Variants in DNAH14 observed in about 807,000 individuals in gnomAD.
DNAH14 encodes dynein axonemal heavy chain 14, also known as axonemal beta dynein heavy chain 14.
A neutral mutation model predicts 520.9 loss-of-function variants in DNAH14; 478 were observed. The ratio of observed to expected loss-of-function variants is 0.92; its 90% CI spans 0.85 to 0.99. The LOEUF (loss-of-function observed/expected upper bound fraction) is 0.99. Ranked by LOEUF, DNAH14 falls within the 50% of genes least tolerant of loss-of-function variation. The probability of loss-of-function intolerance (pLI) is 0.00; values close to 1 mark genes in which losing one functional copy is unlikely to be tolerated. For missense variants in DNAH14, 4,831 were observed against 5,234.5 expected (o/e 0.92, Z 2.38); for synonymous variants, 1,581 against 1,757.2 (o/e 0.90, Z 2.51).
Position 225,040,863 on chromosome 1 carries a change from G to A in DNAH14, c.1489-1972G>A, listed in dbSNP as rs1157365439. 3.3e-5 allele frequency among the ~76,000 whole-genome samples: 5 copies of A among 152,258 alleles called. No individual in the cohort carries two copies. The East Asian group carries it at 5.8e-4, about 18-fold the overall frequency. On this transcript the variant is annotated intron_variant, in intron 12 of 85. Coordinates refer to ENST00000682510, the MANE Select transcript of DNAH14 (RefSeq NM_001367479.1). ...TTCATAAATTTTTATTGCTCCATAAGCTTACTAATCCTCATCAATATTTAA... is the reference window on the plus strand; with the variant it reads ...TTCATAAATTTTTATTGCTCCATAAACTTACTAATCCTCATCAATATTTAA...
intron 8 of DNAH14, 124 bp from the exon 9 acceptor site, chr1:225,002,658 TA>T: frequency 1.1e-6 from 1 of 928,200 alleles, no homozygotes; most frequent in Non-Finnish European, 1.6e-6. Context: ...CATTATCGTT[TA>T]AAATGGGGTA....
At position 225,358,672 on chromosome 1, in the gene DNAH14, T is replaced by C; in HGVS notation, c.11776+20T>C. On this transcript the variant is annotated intron_variant, in intron 74 of 85. Transcript: ENST00000682510. ...CTCATGGTAAGCTATTTGTGAATAG[T>C]TAAGATGATCGATATGGTTTGGCTC... 1 of 1,542,678 alleles carries C rather than the reference T, an allele frequency of 6.5e-7. No homozygotes were observed. Among genetic ancestry groups the C allele is most frequent in the Non-Finnish European group, 8.7e-7 (1 of 1,144,468 alleles).
At chr1:224,957,188 G>A (rs2060571179) in intron 3 of DNAH14, among the ~76,000 whole-genome samples, 1 of 152,198 alleles carries the variant, frequency 6.6e-6, no homozygotes, top group Non-Finnish European at 1.5e-5. Flanking sequence ...ATGGGTTGGT[G>A]AGAGAGAAGG....
chr1:225,251,712 C>T (rs147730786), intron 43 of DNAH14, among the ~76,000 whole-genome samples: 173 of 152,054 alleles, frequency 1.1e-3, no homozygotes, highest in African/African-American at 4.0e-3. Flanking sequence ...AGATAAAGAA[C>T]TCTTAAAACA....
intron 79 of DNAH14, among the ~76,000 whole-genome samples, chr1:225,379,757 T>C (rs1267567291): frequency 6.6e-6 from 1 of 152,160 alleles, no homozygotes; most frequent in Non-Finnish European, 1.5e-5. Context: ...ACTCCTGACC[T>C]CAAGTGATCT....
At chr1:225,334,430 A>T (rs2094868963) in intron 66 of DNAH14, among the ~76,000 whole-genome samples, 1 of 152,142 alleles carries the variant, frequency 6.6e-6, no homozygotes, top group South Asian at 2.1e-4. Context: ...CAAGAGATCA[A>T]GGCTGCAGTG....
chr1:225,297,530 T>G lies in DNAH14; in HGVS notation c.8470-3339T>G, dbSNP rs898277318. On this transcript the variant is annotated intron_variant, in intron 55 of 85. Transcript: ENST00000682510. The stretch of plus-strand genomic sequence containing the variant: ...AGTAGCTTTCATAAGGAGAGACTTA[T>G]TCATAGGTATGGGTTTTACAGTGTC... Among the ~76,000 whole-genome samples, 7 of 152,316 alleles carry G rather than the reference T, an allele frequency of 4.6e-5. No individual in the cohort carries two copies. The East Asian group carries it at 1.4e-3, about 29-fold the overall frequency.
chr1:225,357,644 A>G (rs2095445011), intron 73 of DNAH14: 2 of 514,368 alleles, frequency 3.9e-6, no homozygotes, highest in Non-Finnish European at 6.8e-6. Flanking sequence ...CCAAAACATA[A>G]CAGAAAAGAG....
intron 37 of DNAH14, among the ~76,000 whole-genome samples, chr1:225,189,207 AG>A (rs2085105428): frequency 6.6e-6 from 1 of 151,694 alleles, no homozygotes; most frequent in African/African-American, 2.4e-5. Flanking sequence ...GTGCATGACC[AG>A]GAATTGTGCT....
intron 43 of DNAH14, among the ~76,000 whole-genome samples, chr1:225,248,795 A>G (rs1196612010): frequency 6.6e-6 from 1 of 152,180 alleles, no homozygotes; most frequent in Non-Finnish European, 1.5e-5. Context: ...ATAACTAGGG[A>G]AAAGGGGAAC....
Position 225,080,454 on chromosome 1 carries a change from G to A in DNAH14, c.2842G>A (p.Glu948Lys). ...AMEMIQTLSG[E>K]AASLTNKAKA... is the part of the protein sequence containing the mutation. ...GGAAATGATCCAGACTCTCTCAGGG[G>A]AAGCTGCAAGTTTAACTAACAAAGC... Residue 948 changes from glutamate to lysine, a missense_variant, in exon 19 of 86, where the codon GAA becomes AAA. Physicochemically the swap from Glu to Lys is moderately conservative, Grantham distance 56. Coordinates refer to ENST00000682510, the MANE Select transcript of DNAH14 (RefSeq NM_001367479.1). The A allele has an allele frequency of 6.4e-7, 1 of 1,551,716 alleles. No individual in the cohort carries two copies. The highest frequency in any genetic ancestry group is 8.7e-7 in the Non-Finnish European group (1 of 1,146,976).
In DNAH14 at chr1:225,271,820, C is replaced by G; in HGVS notation, c.7672-86C>G. The G allele has an allele frequency of 2.9e-6, 3 of 1,025,312 alleles. No individual in the cohort carries two copies. The South Asian group carries it at 5.1e-5, about 17-fold the overall frequency. The allele number at this position is 1,025,312 out of a possible 1,614,324, so 63.5% of individuals were successfully genotyped here. A position where few individuals can be genotyped will look rare whatever the true frequency, so the allele number is the denominator to read the frequency against. Reference sequence around the variant, plus strand: ...GAAATTAATCCTCCATTATAGTACACAAGTCCGCTTTTTAGTGGAAGGTAG... The same window carrying G: ...GAAATTAATCCTCCATTATAGTACAGAAGTCCGCTTTTTAGTGGAAGGTAG... On this transcript the variant is annotated intron_variant, in intron 50 of 85. Coordinates refer to ENST00000682510, the MANE Select transcript of DNAH14 (RefSeq NM_001367479.1).
intron 84 of DNAH14, among the ~76,000 whole-genome samples, chr1:225,394,841 CT>C (rs2095983365): frequency 8.2e-6 from 1 of 122,528 alleles, no homozygotes; most frequent in African/African-American, 3.1e-5. Context: ...GAGACTCTGT[CT>C]AAAAAAAAAA....
At chr1:225,019,205 A>G (rs1432648585) in intron 10 of DNAH14, among the ~76,000 whole-genome samples, 3 of 151,118 alleles carry the variant, frequency 2.0e-5, no homozygotes, top group Admixed American at 6.6e-5. Flanking sequence ...CCATAGACTC[A>G]AAGTAAAGGG....
chr1:225,303,203 A>G lies in DNAH14; in HGVS notation c.8679A>G (p.Gly2893=). Residue 2893 remains glycine (G), a synonymous_variant, in exon 57 of 86, where the codon GGA becomes GGG. Transcript: ENST00000682510. ...TTTTTGTGATCATGAGTCCTGAAGG[A>G]CCTAGCTTCCGCCAAAATTGTAGAG... is the stretch of plus-strand genomic sequence containing the variant. ...LHIFVIMSPE[G]PSFRQNCRVY... The G allele has an allele frequency of 6.5e-7, 1 of 1,539,556 alleles. No homozygotes were observed. Among genetic ancestry groups the G allele is most frequent in the Admixed American group, 2.1e-5 (1 of 48,572 alleles).
chr1:225,082,513 C>A (rs2073261194), intron 19 of DNAH14, 36 bp from the exon 20 acceptor site: 1 of 1,362,888 alleles, frequency 7.3e-7, no homozygotes, highest in Non-Finnish European at 9.6e-7. Context: ...ATATAATGAA[C>A]ATATTATAAG....
intron 41 of DNAH14, among the ~76,000 whole-genome samples, chr1:225,207,639 T>G (rs978537520): frequency 2.6e-5 from 4 of 152,154 alleles, no homozygotes; most frequent in Admixed American, 2.0e-4. Context: ...TCATGTAGTA[T>G]TATAGATAAG....
intron 9 of DNAH14, among the ~76,000 whole-genome samples, chr1:225,003,592 A>G (rs961933333): frequency 6.6e-6 from 1 of 152,108 alleles, no homozygotes; most frequent in Admixed American, 6.6e-5. Context: ...ATACTTGTAA[A>G]TCAACATCGT....
At chr1:225,275,263 G>T (rs2093438688) in intron 52 of DNAH14, among the ~76,000 whole-genome samples, 1 of 152,160 alleles carries the variant, frequency 6.6e-6, no homozygotes, top group Non-Finnish European at 1.5e-5. Context: ...GGACTACCTA[G>T]GACTAGTATG....
Sources: allele counts gnomAD v4.1 joint callset (sites outside exome capture counted in the v4.1 genomes callset), GRCh38; gene constraint gnomAD v4.1.1; transcripts MANE v1.5; gene names NCBI Gene and HGNC (gene_info 2026-07-23, HGNC 2026-07-21).